RFC5: variants seen among roughly 807,000 people sequenced by gnomAD.
RFC5 encodes the protein A1 36 kDa subunit.
Under a neutral mutation model 44.3 loss-of-function variants are expected in RFC5, and 26 were observed. The ratio of observed to expected loss-of-function variants is 0.59; its 90% CI spans 0.43 to 0.81. RFC5 has a LOEUF of 0.81. RFC5 is among the 40% of genes least tolerant of loss of function. RFC5 has a pLI of 0.00. For missense variants in RFC5, 328 were observed against 418.6 expected (o/e 0.78, Z 1.89); for synonymous variants, 155 against 155.2 (o/e 1.00, Z 0.01).
downstream of RFC5, among the ~76,000 whole-genome samples, chr12:118,036,857 T>C (rs981644897): frequency 6.6e-5 from 10 of 152,212 alleles, no homozygotes; most frequent in Non-Finnish European, 1.5e-4. Flanking sequence ...GATGAAGACC[T>C]GAGCCAAGTG....
At chr12:118,030,168 A>G (rs1047941480) in intron 10 of RFC5, among the ~76,000 whole-genome samples, 1 of 152,164 alleles carries the variant, frequency 6.6e-6, no homozygotes, top group African/African-American at 2.4e-5. Flanking sequence ...TTGGCATACT[A>G]AAGCATATTG....
At chr12:118,021,415 G>A (rs1456024998) in intron 4 of RFC5, among the ~76,000 whole-genome samples, 1 of 151,872 alleles carries the variant, frequency 6.6e-6, no homozygotes, top group Non-Finnish European at 1.5e-5. Flanking sequence ...GTTTTGCCAT[G>A]TTGCCTAGGC....
downstream of RFC5, chr12:118,034,652 C>T (rs1435041158): frequency 6.2e-6 from 3 of 487,770 alleles, no homozygotes; most frequent in African/African-American, 3.9e-5. Context: ...GGGAAGAGTG[C>T]CACCTACTGA....
downstream of RFC5, chr12:118,032,373 G>A (rs2031369640): frequency 6.6e-6 from 1 of 152,194 alleles, no homozygotes; most frequent in Non-Finnish European, 1.5e-5. Flanking sequence ...CCACCCAGAG[G>A]CTCAGCATCT....
At chr12:118,041,278 A>T in the RFC5 span, among the ~76,000 whole-genome samples, 1 of 152,198 alleles carries the variant, frequency 6.6e-6, no homozygotes, top group East Asian at 1.9e-4. Context: ...TAGTGCCCTT[A>T]GAAGAAGAGA....
At chr12:118,039,957 G>C in the RFC5 span, among the ~76,000 whole-genome samples, 1 of 151,954 alleles carries the variant, frequency 6.6e-6, no homozygotes, top group African/African-American at 2.4e-5. Flanking sequence ...TGTTGGCTAG[G>C]CTGGTCTCGA....
intron 9 of RFC5, 82 bp downstream of exon 9, chr12:118,028,112 T>A: frequency 1.2e-6 from 1 of 837,728 alleles, no homozygotes. Context: ...ACAGGAGGCT[T>A]CATTCTTGAA....
the RFC5 span, among the ~76,000 whole-genome samples, chr12:118,039,733 A>G: frequency 1.3e-5 from 2 of 151,890 alleles, no homozygotes; most frequent in African/African-American, 4.8e-5. Flanking sequence ...AAAAATTAAT[A>G]TTTCTTTTTT....
At chr12:118,030,164 T>C (rs375174872) in intron 10 of RFC5, among the ~76,000 whole-genome samples, 37 of 152,330 alleles carry the variant, frequency 2.4e-4, no homozygotes, top group African/African-American at 8.9e-4. Flanking sequence ...CATTTTGGCA[T>C]ACTAAAGCAT....
chr12:118,037,975 C>A, downstream of RFC5: 1 of 225,668 alleles, frequency 4.4e-6, no homozygotes, highest in Admixed American at 5.4e-5. Context: ...AATTTGGATT[C>A]ACATGTGGGC....
rs892970703 is a variant in RFC5, at chr12:118,019,500, A to G, written c.131-132A>G. ...CCACGAAAGTAGATATGAGGCCCCT[A>G]CATCAAGTTGTATCTGCCTCTGATT... On this transcript the variant is annotated intron_variant, in intron 2 of 10. Transcript: ENST00000454402. This position sits in a 1 kb window ranked among gnomAD's most constrained non-coding sequence, Gnocchi z 4.2. 5 of 950,928 alleles carry G rather than the reference A, an allele frequency of 5.3e-6. No individual in the cohort carries two copies. The highest frequency in any genetic ancestry group is 4.8e-5 in the East Asian group (2 of 41,664). 58.9% of individuals were successfully genotyped at this position (950,928 alleles called of 1,614,324 possible). A position where few individuals can be genotyped will look rare whatever the true frequency, so the allele number is the denominator to read the frequency against.
chr12:118,024,902 T>C lies in RFC5; in HGVS notation c.473T>C (p.Leu158Pro), dbSNP rs1416410776. ...NTRFCLICNYLSKIIPALQSR... is the reference protein window; with the variant it reads ...NTRFCLICNYPSKIIPALQSR... ...AGATTCTGCCTCATCTGTAACTATC[T>C]GTCAAAGATCATCCCTGCCTTGCAG... is the stretch of plus-strand genomic sequence containing the variant. The change falls in exon 6 of 11, where the codon CTG (leucine) becomes CCG (proline). Residue 158 changes from leucine (L) to proline (P), a missense_variant. By Grantham distance (98) the Leu-to-Pro change is moderately conservative. Transcript: ENST00000454402. The C allele has an allele frequency of 6.2e-7, 1 of 1,613,818 alleles. No individual in the cohort carries two copies. Among genetic ancestry groups the C allele is most frequent in the East Asian group, 2.2e-5 (1 of 44,866 alleles).
At chr12:118,039,639 G>A in the RFC5 span, among the ~76,000 whole-genome samples, 1 of 152,018 alleles carries the variant, frequency 6.6e-6, no homozygotes, top group Non-Finnish European at 1.5e-5. Flanking sequence ...AGCCAAGCAA[G>A]AAAGAAGAAA....
At chr12:118,017,618 T>C (rs192417119) in intron 1 of RFC5, 6 of 1,035,666 alleles carry the variant, frequency 5.8e-6, no homozygotes, top group Non-Finnish European at 7.3e-6. Flanking sequence ...TTTGTCTTTA[T>C]TGTGGTTAAA....
At chr12:118,034,581 CTG>C (rs1491209551), downstream of RFC5, 14 of 531,622 alleles carry the variant, frequency 2.6e-5, no homozygotes, top group African/African-American at 2.1e-4. Flanking sequence ...AGCGCTCTCT[CTG>C]TCTCTCTCTC....
intron 5 of RFC5, among the ~76,000 whole-genome samples, chr12:118,023,638 T>A (rs1258543433): frequency 2.6e-5 from 4 of 152,130 alleles, no homozygotes; most frequent in Non-Finnish European, 5.9e-5. Flanking sequence ...ATTGGGTACC[T>A]ACAGAATGGA....
At chr12:118,039,482 T>A in the RFC5 span, among the ~76,000 whole-genome samples, 1 of 152,000 alleles carries the variant, frequency 6.6e-6, no homozygotes, top group Non-Finnish European at 1.5e-5. Context: ...CCAAAAGCCA[T>A]GAATGCAAAC....
chr12:118,025,075 G>C, intron 6 of RFC5, 65 bp downstream of exon 6: 1 of 1,507,032 alleles, frequency 6.6e-7, no homozygotes, highest in Non-Finnish European at 9.1e-7. Flanking sequence ...ATCACTGGCT[G>C]GTTCGTATGT....
At position 118,026,985 on chromosome 12, in the gene RFC5, A is replaced by G. The variant is rs777452489; in HGVS notation, c.760A>G (p.Met254Val). Reference protein sequence around the residue: ...KSDIANILDWMLNQDFTTAYR... With the variant: ...KSDIANILDWVLNQDFTTAYR... The stretch of plus-strand genomic sequence containing the variant: ...AGACATTGCCAACATCCTGGACTGG[A>G]TGTTGAATCAAGATTTCACCACAGC... Residue 254 changes from methionine (M) to valine (V), a missense_variant, in exon 8 of 11, where the codon ATG (methionine) becomes GTG (valine). Physicochemically the swap from Met to Val is conservative, Grantham distance 21. Coordinates refer to ENST00000454402, the MANE Select transcript of RFC5 (RefSeq NM_007370.7). The G allele has an allele frequency of 1.2e-6, 2 of 1,613,664 alleles. No individual in the cohort carries two copies. Among genetic ancestry groups the G allele is most frequent in the Non-Finnish European group, 1.7e-6 (2 of 1,179,968 alleles).
Sources: gnomAD v4.1 joint callset for allele counts (sites outside exome capture counted in the v4.1 genomes callset) on GRCh38, gnomAD v4.1.1 for gene constraint, Gnocchi (gnomAD v3.1) non-coding constraint, MANE v1.5 for transcripts, NCBI Gene and HGNC (gene_info 2026-07-23, HGNC 2026-07-21) for gene names.